Variants in PPP2R2B observed in about 807,000 individuals in gnomAD.
PPP2R2B encodes the protein serine/threonine-protein phosphatase 2A 55 kDa regulatory subunit B beta isoform.
In PPP2R2B, 5 loss-of-function variants were observed where a neutral mutation model predicts 46.0. The observed-to-expected ratio is 0.11, with a 90% confidence interval of 0.06 to 0.23. The LOEUF is 0.23. Ranked by LOEUF, PPP2R2B falls within the 10% of genes least tolerant of loss-of-function variation. The probability of loss-of-function intolerance (pLI) is 1.00; values close to 1 mark genes in which losing one functional copy is unlikely to be tolerated. For synonymous variants in PPP2R2B, 215 were observed against 206.7 expected, an observed-to-expected ratio of 1.04 and a Z score of -0.34; for missense variants, 367 against 575.0, an observed-to-expected ratio of 0.64 and a Z score of 3.70.
intron 2 of PPP2R2B, among the ~76,000 whole-genome samples, chr5:146,769,935 TA>T (rs879553644): frequency 1.1e-4 from 17 of 151,906 alleles, no homozygotes; most frequent in Non-Finnish European, 2.1e-4. Context: ...AAATTAATTC[TA>T]AAAAAAACCC....
intron 2 of PPP2R2B, among the ~76,000 whole-genome samples, chr5:147,078,376 AACG>A (rs1485550535): frequency 1.3e-5 from 2 of 152,304 alleles, no homozygotes; most frequent in East Asian, 3.9e-4. Flanking sequence ...AGCCAGTCAC[AACG>A]ACAAGATTTA....
At chr5:146,978,316 A>T (rs1329710784) in intron 1 of PPP2R2B, among the ~76,000 whole-genome samples, 2 of 152,174 alleles carry the variant, frequency 1.3e-5, no homozygotes, top group South Asian at 2.1e-4. Flanking sequence ...CTCATTCTGT[A>T]GGTTGCCTGT....
intron 2 of PPP2R2B, among the ~76,000 whole-genome samples, chr5:146,755,399 A>G (rs1753778449): frequency 6.6e-6 from 1 of 152,232 alleles, no homozygotes; most frequent in Non-Finnish European, 1.5e-5. Flanking sequence ...AATAATAAAC[A>G]AGGTTATCAG....
intron 1 of PPP2R2B, among the ~76,000 whole-genome samples, chr5:146,997,095 A>G (rs1214147322): frequency 6.6e-6 from 1 of 152,192 alleles, no homozygotes; most frequent in Non-Finnish European, 1.5e-5. Flanking sequence ...TACTTCTACC[A>G]GTATGAAATG....
intron 1 of PPP2R2B, among the ~76,000 whole-genome samples, chr5:147,047,017 T>C (rs1239185580): frequency 2.0e-5 from 3 of 152,156 alleles, no homozygotes; most frequent in Non-Finnish European, 4.4e-5. Context: ...TTTCATTATA[T>C]TGTCATTTGA....
intron 1 of PPP2R2B, among the ~76,000 whole-genome samples, chr5:146,974,120 G>C (rs1325754267): frequency 1.3e-5 from 2 of 152,090 alleles, no homozygotes; most frequent in African/African-American, 4.8e-5. Context: ...ATCCGGGCAA[G>C]AAAGTATCAT....
At chr5:147,066,109 G>C (rs182756523) in intron 2 of PPP2R2B, among the ~76,000 whole-genome samples, 1 of 152,218 alleles carries the variant, frequency 6.6e-6, no homozygotes, top group African/African-American at 2.4e-5. Flanking sequence ...TGATTCCCTT[G>C]AATGTTTACT....
At chr5:146,722,876 A>G (rs886467824) in intron 2 of PPP2R2B, among the ~76,000 whole-genome samples, 10 of 152,196 alleles carry the variant, frequency 6.6e-5, no homozygotes, top group African/African-American at 2.4e-4. Context: ...TAAAAAACTT[A>G]CTTTCTTTGA....
chr5:146,997,477 C>A (rs1272865900), intron 1 of PPP2R2B, among the ~76,000 whole-genome samples: 5 of 152,142 alleles, frequency 3.3e-5, no homozygotes, highest in Admixed American at 2.0e-4. Flanking sequence ...TTCAGCTGTG[C>A]CTTACACATC....
At chr5:146,837,526 T>C (rs1212166382) in intron 2 of PPP2R2B, among the ~76,000 whole-genome samples, 2 of 152,148 alleles carry the variant, frequency 1.3e-5, no homozygotes, top group Non-Finnish European at 2.9e-5. Context: ...CACTGTTCAA[T>C]AGAAATAAAA....
intron 2 of PPP2R2B, among the ~76,000 whole-genome samples, chr5:146,781,721 G>C (rs1478231727): frequency 6.6e-6 from 1 of 152,066 alleles, no homozygotes; most frequent in Non-Finnish European, 1.5e-5. Context: ...CAGAATCATA[G>C]TTGTCCCAAT....
chr5:147,033,441 T>A (rs891732461), intron 1 of PPP2R2B, among the ~76,000 whole-genome samples: 6 of 152,204 alleles, frequency 3.9e-5, no homozygotes, highest in African/African-American at 1.4e-4. Context: ...TGCTACTGTA[T>A]GACCAGTACT....
At chr5:146,729,422 G>T (rs553580311) in intron 2 of PPP2R2B, among the ~76,000 whole-genome samples, 1 of 152,296 alleles carries the variant, frequency 6.6e-6, no homozygotes, top group African/African-American at 2.4e-5. Flanking sequence ...CCCATTTTCT[G>T]GGGAGAAATT....
At chr5:147,056,319 A>T (rs563478514), upstream of PPP2R2B, among the ~76,000 whole-genome samples, 22 of 152,236 alleles carry the variant, frequency 1.4e-4, no homozygotes, top group South Asian at 4.4e-3. Flanking sequence ...CTTAATCTAG[A>T]TTTAGTTCTA....
At chr5:146,800,622 T>A (rs2151304730) in intron 2 of PPP2R2B, among the ~76,000 whole-genome samples, 1 of 146,844 alleles carries the variant, frequency 6.8e-6, no homozygotes. Flanking sequence ...ACTCAGCTAA[T>A]TTTTTTTGGG....
intron 2 of PPP2R2B, among the ~76,000 whole-genome samples, chr5:146,712,354 A>G (rs1780258717): frequency 6.6e-6 from 1 of 152,214 alleles, no homozygotes; most frequent in Admixed American, 6.5e-5. Flanking sequence ...CACTGAATGC[A>G]ATACTGTACA....
chr5:146,889,990 G>A (rs1175109205), intron 1 of PPP2R2B, among the ~76,000 whole-genome samples: 5 of 152,202 alleles, frequency 3.3e-5, no homozygotes, highest in Non-Finnish European at 7.3e-5. Context: ...GGTGACAGAC[G>A]AGCATGAGAC....
At chr5:146,794,806 T>C (rs191732458) in intron 2 of PPP2R2B, among the ~76,000 whole-genome samples, 1 of 152,282 alleles carries the variant, frequency 6.6e-6, no homozygotes, top group East Asian at 1.9e-4. Flanking sequence ...ATATGACTAA[T>C]CATATTAATA....
intron 1 of PPP2R2B, among the ~76,000 whole-genome samples, chr5:146,976,295 G>A (rs371849293): frequency 1.3e-4 from 19 of 151,726 alleles, no homozygotes; most frequent in Admixed American, 3.9e-4. Flanking sequence ...GCACCACTAC[G>A]CCCAACTAAT....
Sources: allele counts gnomAD v4.1 joint callset (sites outside exome capture counted in the v4.1 genomes callset), GRCh38; gene constraint gnomAD v4.1.1; transcripts MANE v1.5; gene names NCBI Gene and HGNC (gene_info 2026-07-23, HGNC 2026-07-21).